The following WDFY3 variants were observed in gnomAD, a reference collection of about 807,000 sequenced individuals.
WDFY3 encodes the protein WD repeat and FYVE domain containing 3, also known as WD repeat and FYVE domain-containing protein 3.
Under a neutral mutation model 409.6 loss-of-function variants are expected in WDFY3, and 66 were observed. The observed-to-expected ratio is 0.16, with a 90% CI of 0.13 to 0.20. The LOEUF is 0.20. Ranked by LOEUF, WDFY3 falls within the 10% of genes least tolerant of loss-of-function variation. The probability of loss-of-function intolerance (pLI) is 1.00; values close to 1 mark genes in which losing one functional copy is unlikely to be tolerated. For synonymous variants in WDFY3, 1,521 were observed against 1,537.1 expected, an observed-to-expected ratio of 0.99 and a Z score of 0.25; for missense variants, 3,031 against 4,298.1, an observed-to-expected ratio of 0.71 and a Z score of 8.24.
At position 84,796,724 on chromosome 4, in the gene WDFY3, C is replaced by T; in HGVS notation, c.2964G>A (p.Leu988=). 6.2e-7 allele frequency: 1 copy of T among 1,613,694 alleles called. No individual in the cohort carries two copies. The highest frequency in any genetic ancestry group is 8.5e-7 in the Non-Finnish European group (1 of 1,179,770). Residue 988 remains leucine (L), a synonymous_variant, in exon 19 of 68, where the codon CTG becomes CTA. Coordinates refer to ENST00000295888, the MANE Select transcript of WDFY3 (RefSeq NM_014991.6). ...GTAAGCTAAAAACATTATCAGTACC[C>T]AGACCTTCCAGAGATGTGATCATAC... The part of the protein sequence containing the change: ...RSSMITSLEG[L]GTDNVFSLHE...
intron 4 of WDFY3, among the ~76,000 whole-genome samples, chr4:84,857,228 CAT>C (rs1214428195): frequency 6.6e-6 from 1 of 151,970 alleles, no homozygotes; most frequent in Non-Finnish European, 1.5e-5. Flanking sequence ...CTTACAATAA[CAT>C]AGGACATAAG....
At chr4:84,805,388 C>CA (rs1289190462) in intron 15 of WDFY3, among the ~76,000 whole-genome samples, 1 of 151,914 alleles carries the variant, frequency 6.6e-6, no homozygotes, top group African/African-American at 2.4e-5. Flanking sequence ...GTTTTCAAAC[C>CA]AGAAAAATAT....
intron 67 of WDFY3, among the ~76,000 whole-genome samples, chr4:84,675,749 GC>G (rs752329080): frequency 2.0e-5 from 3 of 152,058 alleles, no homozygotes; most frequent in Non-Finnish European, 4.4e-5. Context: ...GGCAATATAA[GC>G]CTTAAAGTGT....
intron 47 of WDFY3, among the ~76,000 whole-genome samples, chr4:84,720,937 T>A (rs1403483137): frequency 6.6e-6 from 1 of 151,726 alleles, no homozygotes; most frequent in Non-Finnish European, 1.5e-5. Context: ...GTCAGCAGGG[T>A]ATTGGAGGTT....
In WDFY3 at chr4:84,966,629, T is replaced by C. The variant is rs1775800136; in HGVS notation, c.-646A>G. 6.6e-6 allele frequency among the ~76,000 whole-genome samples: 1 copy of C among 152,052 alleles called. No individual in the cohort carries two copies. The highest frequency in any genetic ancestry group is 1.5e-5 in the Non-Finnish European group (1 of 67,990). ...AGGGGTTGTTGCCGTTTCCCGCAGC[T>C]GTTGGTGGCCATCTTTAATCCTCCT... On this transcript the variant is annotated 5_prime_UTR_variant, in exon 1 of 68. Transcript: ENST00000295888.
At chr4:84,796,866 T>C in intron 18 of WDFY3, 114 bp from the exon 19 acceptor site, 1 of 811,078 alleles carries the variant, frequency 1.2e-6, no homozygotes, top group Non-Finnish European at 1.9e-6. Flanking sequence ...AATTTTTTTT[T>C]AAGTGCCAAG....
intron 2 of WDFY3, among the ~76,000 whole-genome samples, chr4:84,903,912 CGCCCGCCTGCCT>C (rs1339250960): frequency 3.9e-5 from 6 of 151,974 alleles, no homozygotes; most frequent in Admixed American, 2.0e-4. Flanking sequence ...TCCATCCATC[CGCCCGCCTGCCT>C]GCCCGCCTGC....
intron 2 of WDFY3, among the ~76,000 whole-genome samples, chr4:84,914,227 C>T (rs551469228): frequency 6.6e-6 from 1 of 152,164 alleles, no homozygotes; most frequent in Non-Finnish European, 1.5e-5. Flanking sequence ...CAAGACCAGC[C>T]TGGCCAACAT....
intron 4 of WDFY3, among the ~76,000 whole-genome samples, chr4:84,859,768 T>C (rs912681330): frequency 1.9e-4 from 29 of 151,630 alleles, no homozygotes; most frequent in African/African-American, 7.0e-4. Context: ...AGAGATGGGG[T>C]CTCACCATGT....
chr4:84,721,624 G>A (rs571150827), intron 46 of WDFY3, 52 bp from the exon 47 acceptor site: 5 of 1,588,268 alleles, frequency 3.1e-6, no homozygotes, highest in Middle Eastern at 3.4e-4. Context: ...ACCTTGTGGG[G>A]AAGCAGTTTA....
In WDFY3 at chr4:84,924,911, A is replaced by T. The variant is rs1330844970; in HGVS notation, c.-132+7359T>A. 2.0e-5 allele frequency among the ~76,000 whole-genome samples: 3 copies of T among 152,318 alleles called. No individual in the cohort carries two copies. The East Asian group carries it at 5.8e-4, about 29-fold the overall frequency. ...CATGGCTCCAAATTTGCCCTTGAAAATTTGCAAGAACCAGTACAATATACT... is the reference window on the plus strand; with the variant it reads ...CATGGCTCCAAATTTGCCCTTGAAATTTTGCAAGAACCAGTACAATATACT... On this transcript the variant is annotated intron_variant, in intron 2 of 67. Transcript: ENST00000295888.
intron 1 of WDFY3, among the ~76,000 whole-genome samples, chr4:84,940,625 T>G (rs1393099535): frequency 1.3e-5 from 2 of 152,084 alleles, no homozygotes; most frequent in Non-Finnish European, 2.9e-5. Flanking sequence ...TTCTTGTTTA[T>G]ACTAACCAGC....
intron 5 of WDFY3, chr4:84,849,668 G>A (rs1387123812): frequency 1.0e-5 from 4 of 385,438 alleles, no homozygotes; most frequent in Non-Finnish European, 1.8e-5. Context: ...TATTTTAAAG[G>A]GTTAGGGTGG....
At position 84,954,463 on chromosome 4, in the gene WDFY3, C is replaced by T. The variant is rs935821386; in HGVS notation, c.-226+11746G>A. Among the ~76,000 whole-genome samples, 5 of 152,154 alleles carry T rather than the reference C, an allele frequency of 3.3e-5. No homozygotes were observed. The East Asian group carries it at 9.6e-4, about 29-fold the overall frequency. On this transcript the variant is annotated intron_variant, in intron 1 of 67. Transcript: ENST00000295888. ...CTTGGACTGTAGGGTCAAAGAGACA[C>T]AAAAAGACTCCAGGCTTTAATCAAA... is the stretch of plus-strand genomic sequence containing the variant.
intron 3 of WDFY3, among the ~76,000 whole-genome samples, chr4:84,886,854 G>A (rs907353951): frequency 1.3e-5 from 2 of 152,036 alleles, no homozygotes; most frequent in African/African-American, 2.4e-5. Context: ...CCCTAGATTT[G>A]CCTCTAATAA....
At chr4:84,773,874 C>T (rs555753247) in intron 29 of WDFY3, among the ~76,000 whole-genome samples, 1 of 152,238 alleles carries the variant, frequency 6.6e-6, no homozygotes, top group South Asian at 2.1e-4. Context: ...GTGCCCACCA[C>T]CATGCCTGGC....
At chr4:84,775,197 C>A (rs1745344257) in intron 27 of WDFY3, 59 bp from the exon 28 acceptor site, 2 of 1,356,114 alleles carry the variant, frequency 1.5e-6, no homozygotes, top group East Asian at 2.3e-5. Flanking sequence ...AAATGCCAAA[C>A]CAACAAACAC....
chr4:84,700,172 G>A (rs1032251812), intron 56 of WDFY3, among the ~76,000 whole-genome samples: 5 of 151,988 alleles, frequency 3.3e-5, no homozygotes, highest in African/African-American at 1.2e-4. Flanking sequence ...CATAAGAGTC[G>A]TATGATTTTA....
chr4:84,697,660 A>G (rs1730347630), intron 56 of WDFY3, among the ~76,000 whole-genome samples: 1 of 152,206 alleles, frequency 6.6e-6, no homozygotes, highest in African/African-American at 2.4e-5. Flanking sequence ...GAAATATACC[A>G]AAAAAGTCAC....
Sources: gnomAD v4.1 joint callset for allele counts (sites outside exome capture counted in the v4.1 genomes callset) on GRCh38, gnomAD v4.1.1 for gene constraint, MANE v1.5 for transcripts, NCBI Gene and HGNC (gene_info 2026-07-23, HGNC 2026-07-21) for gene names.